Variants in SPECC1 observed in about 807,000 individuals in gnomAD.
SPECC1 encodes the protein sperm antigen with calponin homology and coiled-coil domains 1.
A neutral mutation model predicts 104.1 loss-of-function variants in SPECC1; 62 were observed. The observed-to-expected ratio is 0.60, with a 90% CI of 0.49 to 0.74. The LOEUF (loss-of-function observed/expected upper bound fraction) is 0.74, where lower values mean the gene tolerates loss of function less well. SPECC1 is among the 30% of genes least tolerant of loss of function. The probability of loss-of-function intolerance (pLI) is 0.00; values close to 1 mark genes in which losing one functional copy is unlikely to be tolerated. For missense variants in SPECC1, 1,306 were observed against 1,310.5 expected (o/e 1.00, Z 0.05); for synonymous variants, 513 against 501.6 (o/e 1.02, Z -0.30).
At chr17:20,285,555 C>T (rs1256485729) in intron 12 of SPECC1, among the ~76,000 whole-genome samples, 2 of 152,052 alleles carry the variant, frequency 1.3e-5, no homozygotes, top group Admixed American at 6.6e-5. Context: ...TATTTATATC[C>T]TGGGAAAAGT....
chr17:20,090,751 C>G (rs1434687465), intron 1 of SPECC1, among the ~76,000 whole-genome samples: 1 of 152,180 alleles, frequency 6.6e-6, no homozygotes, highest in Non-Finnish European at 1.5e-5. Context: ...CTTGAGGCAG[C>G]TTTGGAGACA....
intron 3 of SPECC1, among the ~76,000 whole-genome samples, chr17:20,131,639 C>CTTT (rs541723505): frequency 3.9e-4 from 46 of 117,840 alleles, no homozygotes; most frequent in East Asian, 2.0e-3. Context: ...CAGTCTTCTT[C>CTTT]TTTTTTTTTT....
At chr17:20,286,602 T>A (rs2040954935) in intron 12 of SPECC1, among the ~76,000 whole-genome samples, 1 of 152,154 alleles carries the variant, frequency 6.6e-6, no homozygotes, top group Non-Finnish European at 1.5e-5. Context: ...AGTTCTCAGC[T>A]TGCTCCCTGG....
At chr17:20,153,228 T>C (rs1235514014) in intron 3 of SPECC1, among the ~76,000 whole-genome samples, 1 of 151,998 alleles carries the variant, frequency 6.6e-6, no homozygotes, top group African/African-American at 2.4e-5. Flanking sequence ...AACAATAGGG[T>C]GTGTTCAGGG....
chr17:20,082,976 TCG>T (rs2047037016), intron 1 of SPECC1, among the ~76,000 whole-genome samples: 1 of 150,548 alleles, frequency 6.6e-6, no homozygotes, highest in Admixed American at 6.6e-5. Flanking sequence ...GTTCGTTCGT[TCG>T]TTCGTTCGTT....
intron 4 of SPECC1, among the ~76,000 whole-genome samples, chr17:20,211,189 G>A (rs2037123596): frequency 1.3e-5 from 2 of 152,238 alleles, no homozygotes; most frequent in African/African-American, 4.8e-5. Context: ...GCCACTGGCT[G>A]CTGCTGGAGA....
At chr17:20,210,202 A>T (rs895882664) in intron 4 of SPECC1, among the ~76,000 whole-genome samples, 1 of 152,222 alleles carries the variant, frequency 6.6e-6, no homozygotes, top group African/African-American at 2.4e-5. Context: ...GACTTAAGAG[A>T]TCTGGAAACC....
intron 1 of SPECC1, among the ~76,000 whole-genome samples, chr17:20,068,772 G>T (rs777911440): frequency 1.1e-4 from 16 of 152,132 alleles, no homozygotes; most frequent in Non-Finnish European, 2.1e-4. Flanking sequence ...TCACGTGCTT[G>T]TTGGCCACTT....
At chr17:20,120,198 A>G (rs1490686546) in intron 3 of SPECC1, among the ~76,000 whole-genome samples, 1 of 152,200 alleles carries the variant, frequency 6.6e-6, no homozygotes, top group Admixed American at 6.5e-5. Flanking sequence ...AGCCTGGCCA[A>G]CATGGCGAAA....
At chr17:20,239,091 A>G in intron 7 of SPECC1, 2 of 1,031,910 alleles carry the variant, frequency 1.9e-6, no homozygotes, top group Non-Finnish European at 1.2e-6. Flanking sequence ...GTAGAACAAA[A>G]GGGCATGGAG....
intron 2 of SPECC1, among the ~76,000 whole-genome samples, chr17:20,099,667 C>T (rs1443115480): frequency 2.2e-5 from 3 of 133,724 alleles, no homozygotes; most frequent in Admixed American, 1.7e-4. Flanking sequence ...TGCACTCCAG[C>T]CTGGGTGACA....
chr17:20,147,482 T>TG (rs1174450251), intron 3 of SPECC1, among the ~76,000 whole-genome samples: 1 of 152,176 alleles, frequency 6.6e-6, no homozygotes, highest in Non-Finnish European at 1.5e-5. Context: ...TGTGTGTGTG[T>TG]TTTTTAAAGA....
rs10718870 is a variant in SPECC1, at chr17:20,038,403, C to CTT, written c.-22+28998_-22+28999dup. ...ACTATGTCCCACAAATTTTGATATT[C>CTT]TTTTTTTTTTTTTTTTTTTTGAGGC... On this transcript the variant is annotated intron_variant, in intron 1 of 14. Coordinates refer to ENST00000395527, the MANE Select transcript of SPECC1 (RefSeq NM_001243439.2). 8.0e-3 allele frequency among the ~76,000 whole-genome samples: 792 copies of CTT among 99,336 alleles called. 35 individuals carry two copies. In the East Asian group the frequency reaches 0.081, roughly 10 times the overall value. 65.2% of individuals were successfully genotyped at this position (99,336 alleles called of 152,430 possible). A position where few individuals can be genotyped will look rare whatever the true frequency, so the allele number is the denominator to read the frequency against.
intron 12 of SPECC1, among the ~76,000 whole-genome samples, chr17:20,295,888 T>A (rs2041334033): frequency 6.6e-6 from 1 of 152,194 alleles, no homozygotes; most frequent in Admixed American, 6.5e-5. Context: ...TCTTGTAAAT[T>A]TGTTTAAGTT....
intron 4 of SPECC1, among the ~76,000 whole-genome samples, chr17:20,221,889 AT>A (rs1567956400): frequency 1.3e-5 from 2 of 151,764 alleles, no homozygotes; most frequent in African/African-American, 4.8e-5. Context: ...TAATTCCTTC[AT>A]TGACCCACTG....
At chr17:20,216,287 C>T (rs1027942939) in intron 4 of SPECC1, among the ~76,000 whole-genome samples, 14 of 152,094 alleles carry the variant, frequency 9.2e-5, no homozygotes, top group South Asian at 2.1e-4. Context: ...AGCACTTCCT[C>T]TTTGCAGGAG....
chr17:20,260,557 G>A (rs1263888292), intron 12 of SPECC1, among the ~76,000 whole-genome samples: 1 of 152,228 alleles, frequency 6.6e-6, no homozygotes, highest in East Asian at 1.9e-4. Flanking sequence ...CCTCCCGAGG[G>A]AAGGGGACCT....
chr17:20,273,750 C>G (rs950110522), intron 12 of SPECC1, among the ~76,000 whole-genome samples: 1 of 152,220 alleles, frequency 6.6e-6, no homozygotes, highest in African/African-American at 2.4e-5. Flanking sequence ...CAGGTTGGGT[C>G]TTTGCCCTTC....
chr17:20,155,789 T>C (rs2032414020), intron 3 of SPECC1: 1 of 430,816 alleles, frequency 2.3e-6, no homozygotes, highest in Non-Finnish European at 3.2e-6. Flanking sequence ...GTTCTCAGCA[T>C]CCGCGGGCGG....
Sources: gnomAD v4.1 joint callset for allele counts (sites outside exome capture counted in the v4.1 genomes callset) on GRCh38, gnomAD v4.1.1 for gene constraint, MANE v1.5 for transcripts, NCBI Gene and HGNC (gene_info 2026-07-23, HGNC 2026-07-21) for gene names.